RFTN2: variants seen among roughly 807,000 people sequenced by gnomAD.
RFTN2 encodes raftlin-2.
A neutral mutation model predicts 52.7 loss-of-function variants in RFTN2; 34 were observed. The observed-to-expected ratio is 0.64, with a 90% CI of 0.49 to 0.86. The LOEUF (loss-of-function observed/expected upper bound fraction) is 0.86, where lower values mean the gene tolerates loss of function less well. Ranked by LOEUF, RFTN2 falls within the 40% of genes least tolerant of loss-of-function variation. The pLI, the probability that RFTN2 is intolerant of heterozygous loss-of-function variation, is 0.00. For missense variants in RFTN2, 536 were observed against 600.1 expected (o/e 0.89, Z 1.12); for synonymous variants, 203 against 217.7 (o/e 0.93, Z 0.59).
At chr2:197,663,177 C>T (rs924105097) in intron 1 of RFTN2, among the ~76,000 whole-genome samples, 3 of 152,152 alleles carry the variant, frequency 2.0e-5, no homozygotes, top group Admixed American at 2.0e-4. Flanking sequence ...ATGTTTGCAT[C>T]ACTGGTATAA....
chr2:197,626,654 C>A (rs2088367338), intron 5 of RFTN2, among the ~76,000 whole-genome samples: 1 of 106,606 alleles, frequency 9.4e-6, no homozygotes, highest in African/African-American at 3.8e-5. Context: ...CGGAGTCTTG[C>A]ACTGTCGCCT....
chr2:197,637,914 A>G (rs372245516), intron 3 of RFTN2, among the ~76,000 whole-genome samples: 2,435 of 151,326 alleles, frequency 0.016, 68 homozygotes, highest in African/African-American at 0.056. Flanking sequence ...CTTTGAATGC[A>G]TCCCAGAGAT....
rs1426276039 is a variant in RFTN2, at chr2:197,638,869, G to A, written c.439-4872C>T. On this transcript the variant is annotated intron_variant, in intron 3 of 8. Transcript: ENST00000295049. Reference sequence around the variant, plus strand: ...TTACATTTTGGCATGATTTTGCAGCGGCTGGTACCGGTTGTTCCTTTCCAT... The same window carrying A: ...TTACATTTTGGCATGATTTTGCAGCAGCTGGTACCGGTTGTTCCTTTCCAT... Among the ~76,000 whole-genome samples, 24 of 150,554 alleles carry A rather than the reference G, an allele frequency of 1.6e-4. 1 individual carries two copies. The highest frequency in any genetic ancestry group is 2.7e-4 in the Non-Finnish European group (18 of 67,660).
At chr2:197,573,259 T>A (rs745525235) in intron 8 of RFTN2, among the ~76,000 whole-genome samples, 19 of 152,214 alleles carry the variant, frequency 1.2e-4, no homozygotes, top group Non-Finnish European at 2.4e-4. Context: ...ATGGCTTTGA[T>A]CGAAATGCTT....
chr2:197,618,138 C>T (rs1324165014), intron 5 of RFTN2: 20 of 247,930 alleles, frequency 8.1e-5, no homozygotes, highest in Middle Eastern at 1.4e-3. Flanking sequence ...GATGCCCAGC[C>T]GAAGCTGGAC....
At chr2:197,585,655 G>C (rs1343983712) in intron 8 of RFTN2, among the ~76,000 whole-genome samples, 1 of 152,050 alleles carries the variant, frequency 6.6e-6, no homozygotes, top group Non-Finnish European at 1.5e-5. Flanking sequence ...TGCTGGCTTT[G>C]CATTTCCCTT....
At chr2:197,599,127 A>G (rs1037075731) in intron 7 of RFTN2, among the ~76,000 whole-genome samples, 132 of 151,722 alleles carry the variant, frequency 8.7e-4, no homozygotes, top group African/African-American at 3.0e-3. Context: ...CATTTTTTGT[A>G]TTTTTAGTAG....
At chr2:197,667,735 C>T (rs960792422) in intron 1 of RFTN2, among the ~76,000 whole-genome samples, 1 of 152,150 alleles carries the variant, frequency 6.6e-6, no homozygotes, top group East Asian at 1.9e-4. Context: ...TCCATAGAGG[C>T]TTACAGTATG....
In RFTN2 at chr2:197,633,847, A is replaced by G. The variant is rs776000325; in HGVS notation, c.589T>C (p.Trp197Arg). The G allele has an allele frequency of 1.9e-6, 3 of 1,613,782 alleles. No homozygotes were observed. The highest frequency in any genetic ancestry group is 2.5e-6 in the Non-Finnish European group (3 of 1,179,876). Reference sequence around the variant, plus strand: ...TGCCCACTTAACGTCCCTTCATTCCAACTTCTACAGTTTTCATCTGAACCG... The same window carrying G: ...TGCCCACTTAACGTCCCTTCATTCCGACTTCTACAGTTTTCATCTGAACCG... Reference protein sequence around the residue: ...RHGSDENCRSWNEGTLSGQSS... With the variant: ...RHGSDENCRSRNEGTLSGQSS... Residue 197 changes from tryptophan (W) to arginine (R), a missense_variant, in exon 4 of 9, where the codon TGG (tryptophan) becomes CGG (arginine). By Grantham distance (101) the Trp-to-Arg change is moderately radical (BLOSUM62 -3). Transcript: ENST00000295049.
intron 8 of RFTN2, among the ~76,000 whole-genome samples, chr2:197,593,309 G>T (rs1222622891): frequency 6.6e-6 from 1 of 152,138 alleles, no homozygotes; most frequent in Non-Finnish European, 1.5e-5. Flanking sequence ...GGGAGGCTAA[G>T]GTGGGAGGAT....
chr2:197,657,093 G>C (rs1416289551), intron 1 of RFTN2, among the ~76,000 whole-genome samples: 1 of 152,088 alleles, frequency 6.6e-6, no homozygotes, highest in Non-Finnish European at 1.5e-5. Flanking sequence ...TGAACTCCTG[G>C]CCTAAAGTGA....
chr2:197,675,272 A>G, intron 1 of RFTN2, 48 bp downstream of exon 1: 1 of 1,445,192 alleles, frequency 6.9e-7, no homozygotes, highest in Non-Finnish European at 9.3e-7. Context: ...AATGACTAGT[A>G]GTCTCATCTC....
At chr2:197,576,158 G>T (rs931209847) in intron 8 of RFTN2, among the ~76,000 whole-genome samples, 1 of 151,682 alleles carries the variant, frequency 6.6e-6, no homozygotes, top group African/African-American at 2.4e-5. Flanking sequence ...CCAGGCATGC[G>T]CCACCTTGCC....
intron 3 of RFTN2, among the ~76,000 whole-genome samples, chr2:197,634,835 C>A (rs1050710509): frequency 2.6e-5 from 4 of 151,422 alleles, no homozygotes; most frequent in Non-Finnish European, 4.4e-5. Context: ...CGCTGCACCC[C>A]CTAACTTGTC....
At position 197,675,411 on chromosome 2, in the gene RFTN2, A is replaced by G; in HGVS notation, c.48T>C (p.Pro16=). The change falls in exon 1 of 9, where the codon CCT becomes CCC. Residue 16 remains proline, a synonymous_variant. Coordinates refer to ENST00000295049, the MANE Select transcript of RFTN2 (RefSeq NM_144629.3). ...TCTTCAGGGTAGAAAATATTTTTCC[A>G]GGGCTGCTATCATCAGGGTCTTCTA... ...RKLEDPDDSS[P]GKIFSTLKRP... 6.2e-7 allele frequency: 1 copy of G among 1,604,278 alleles called. No individual in the cohort carries two copies.
rs192490788 is a variant in RFTN2, at chr2:197,647,543, C to T, written c.140-877G>A. ...TAATTTCTTAAAAATAAAATTCATA[C>T]CAATCTAATAACTAAAAATGGGAGA... On this transcript the variant is annotated intron_variant, in intron 1 of 8. Transcript: ENST00000295049. Among the ~76,000 whole-genome samples the T allele has an allele frequency of 3.2e-3, 487 of 152,224 alleles. 3 individuals are homozygous for T. Among genetic ancestry groups the T allele is most frequent in the Non-Finnish European group, 3.8e-3 (256 of 68,022 alleles).
intron 1 of RFTN2, among the ~76,000 whole-genome samples, chr2:197,649,586 T>G (rs1273861115): frequency 6.6e-6 from 1 of 152,180 alleles, no homozygotes; most frequent in Admixed American, 6.5e-5. Flanking sequence ...TCTTGCTGAC[T>G]TGGTTGGAGT....
At chr2:197,624,331 G>C (rs934272384) in intron 5 of RFTN2, among the ~76,000 whole-genome samples, 2 of 151,980 alleles carry the variant, frequency 1.3e-5, no homozygotes, top group Non-Finnish European at 2.9e-5. Flanking sequence ...GTGGCGCGGT[G>C]ACTCATGCCT....
At chr2:197,612,552 T>G (rs1574706428) in intron 7 of RFTN2, among the ~76,000 whole-genome samples, 10 of 152,246 alleles carry the variant, frequency 6.6e-5, no homozygotes, top group Admixed American at 6.5e-4. Flanking sequence ...CTGTCAACTT[T>G]CACCTTGAAC....
Sources: allele counts gnomAD v4.1 joint callset (sites outside exome capture counted in the v4.1 genomes callset), GRCh38; gene constraint gnomAD v4.1.1; transcripts MANE v1.5; gene names NCBI Gene and HGNC (gene_info 2026-07-23, HGNC 2026-07-21).